TTC39B: variants seen among roughly 807,000 people sequenced by gnomAD.
TTC39B encodes the protein tetratricopeptide repeat protein 39B.
Under a neutral mutation model 96.6 loss-of-function variants are expected in TTC39B, and 92 were observed. The ratio of observed to expected loss-of-function variants is 0.95; its 90% confidence interval spans 0.80 to 1.13. TTC39B has a LOEUF of 1.13. Among genes scored for constraint, TTC39B ranks in the 50% most tolerant of loss-of-function variants. TTC39B has a pLI of 0.00. For missense variants in TTC39B, 955 were observed against 809.3 expected, an observed-to-expected ratio of 1.18 and a Z score of -2.18; for synonymous variants, 367 against 299.4, an observed-to-expected ratio of 1.23 and a Z score of -2.33.
At chr9:15,168,419 C>CAAAAAAAAAAAA (rs58738481) in exon 20 of TTC39B, 2 of 128,138 alleles carry the variant, frequency 1.6e-5, no homozygotes, top group Non-Finnish European at 3.2e-5. Context: ...AGTATAAATA[C>CAAAAAAAAAAAA]AAAAAAAAAA....
intron 2 of TTC39B, among the ~76,000 whole-genome samples, chr9:15,247,501 C>G (rs1185798821): frequency 6.6e-6 from 1 of 152,136 alleles, no homozygotes; most frequent in Non-Finnish European, 1.5e-5. Flanking sequence ...CAACTCTGAA[C>G]ATGGCGGCCC....
intron 9 of TTC39B, among the ~76,000 whole-genome samples, 160 bp downstream of exon 9, chr9:15,192,430 A>G (rs1028594300): frequency 6.6e-6 from 1 of 152,214 alleles, no homozygotes; most frequent in African/African-American, 2.4e-5. Flanking sequence ...GGAACTTTAT[A>G]ACACACTGGG....
intron 1 of TTC39B, among the ~76,000 whole-genome samples, chr9:15,297,223 C>T (rs952616411): frequency 6.6e-6 from 1 of 152,206 alleles, no homozygotes; most frequent in Non-Finnish European, 1.5e-5. Context: ...GTGATCTCCT[C>T]CCTTGCTGCC....
At chr9:15,278,832 T>C (rs1316684701) in intron 1 of TTC39B, among the ~76,000 whole-genome samples, 1 of 152,194 alleles carries the variant, frequency 6.6e-6, no homozygotes, top group Non-Finnish European at 1.5e-5. Flanking sequence ...CTACAATTAC[T>C]ACTATGTTCT....
chr9:15,303,101 G>A (rs746968630), intron 1 of TTC39B, among the ~76,000 whole-genome samples: 2 of 152,076 alleles, frequency 1.3e-5, no homozygotes, highest in African/African-American at 4.8e-5. Flanking sequence ...CCAGGAGGCA[G>A]AGGTTGCAGT....
chr9:15,211,293 A>G (rs1820184979), exon 5 of TTC39B: 3 of 1,577,630 alleles, frequency 1.9e-6, no homozygotes, highest in African/African-American at 2.7e-5. Flanking sequence ...AGCGTCCTTC[A>G]TGGCAGAAAT....
intron 2 of TTC39B, among the ~76,000 whole-genome samples, chr9:15,232,026 A>G (rs1041345094): frequency 2.0e-5 from 3 of 152,076 alleles, no homozygotes; most frequent in African/African-American, 7.2e-5. Context: ...CGTCACTGTG[A>G]TACTCATGGG....
intron 6 of TTC39B, among the ~76,000 whole-genome samples, chr9:15,207,043 T>G (rs1395553430): frequency 6.6e-6 from 1 of 152,214 alleles, no homozygotes; most frequent in Non-Finnish European, 1.5e-5. Flanking sequence ...GCACTTCTCC[T>G]TCCTGCCACC....
exon 20 of TTC39B, chr9:15,165,748 T>A (rs984725248): frequency 6.6e-6 from 1 of 152,176 alleles, no homozygotes; most frequent in Non-Finnish European, 1.5e-5. Flanking sequence ...ATCACTATCA[T>A]GAGAATAGCA....
chr9:15,165,749 G>C (rs956685309), exon 20 of TTC39B: 1 of 152,172 alleles, frequency 6.6e-6, no homozygotes. Context: ...TCACTATCAT[G>C]AGAATAGCAT....
intron 2 of TTC39B, among the ~76,000 whole-genome samples, chr9:15,260,355 G>A (rs1822901220): frequency 2.0e-5 from 3 of 147,270 alleles, no homozygotes; most frequent in African/African-American, 5.0e-5. Context: ...AATCACTGTC[G>A]ACTTGGTTAA....
chr9:15,250,559 A>C (rs1436477446), intron 2 of TTC39B, among the ~76,000 whole-genome samples: 2 of 152,248 alleles, frequency 1.3e-5, no homozygotes, highest in Non-Finnish European at 2.9e-5. Context: ...AGATTAATGC[A>C]CAAAAGTTAA....
chr9:15,282,956 A>G (rs573724560), intron 1 of TTC39B, among the ~76,000 whole-genome samples: 1 of 152,364 alleles, frequency 6.6e-6, no homozygotes, highest in South Asian at 2.1e-4. Context: ...ACTGAGCCAG[A>G]GCTGTACAGA....
chr9:15,198,461 A>AAAAAAT (rs1554768110), intron 8 of TTC39B, among the ~76,000 whole-genome samples: 1 of 117,320 alleles, frequency 8.5e-6, no homozygotes, highest in African/African-American at 3.1e-5. Flanking sequence ...CGGTCGCAAA[A>AAAAAAT]ATATATATAT....
At chr9:15,176,279 T>C (rs1257502729) in intron 18 of TTC39B, among the ~76,000 whole-genome samples, 1 of 152,178 alleles carries the variant, frequency 6.6e-6, no homozygotes, top group African/African-American at 2.4e-5. Context: ...CACTATGAGA[T>C]TCACATACAA....
chr9:15,303,537 A>C (rs1422074184), intron 1 of TTC39B, among the ~76,000 whole-genome samples: 1 of 152,088 alleles, frequency 6.6e-6, no homozygotes, highest in Non-Finnish European at 1.5e-5. Flanking sequence ...ATGCCCAGCT[A>C]ACTATTCATA....
chr9:15,221,649 A>T (rs763778165), intron 3 of TTC39B, among the ~76,000 whole-genome samples: 1 of 152,090 alleles, frequency 6.6e-6, no homozygotes, highest in Non-Finnish European at 1.5e-5. Flanking sequence ...CAGAGTTCTG[A>T]CCCAGAGCCA....
chr9:15,269,990 G>A (rs1435795005), intron 1 of TTC39B, among the ~76,000 whole-genome samples: 2 of 152,096 alleles, frequency 1.3e-5, no homozygotes, highest in African/African-American at 4.8e-5. Flanking sequence ...CCAACATGGT[G>A]AAACCCCATT....
intron 1 of TTC39B, among the ~76,000 whole-genome samples, chr9:15,298,984 T>C (rs1360307022): frequency 6.6e-6 from 1 of 152,082 alleles, no homozygotes; most frequent in Non-Finnish European, 1.5e-5. Flanking sequence ...AGAAATGGCC[T>C]CCTCCAGGAA....
Sources: allele counts gnomAD v4.1 joint callset (sites outside exome capture counted in the v4.1 genomes callset), GRCh38; gene constraint gnomAD v4.1.1; transcripts MANE v1.5; gene names NCBI Gene and HGNC (gene_info 2026-07-23, HGNC 2026-07-21).